CD99: variants seen among roughly 807,000 people sequenced by gnomAD.
CD99 encodes the protein CD99 molecule (Xg blood group).
CD99 carries 19 observed loss-of-function variants against 28.4 expected under a neutral mutation model. The observed-to-expected ratio is 0.67, with a 90% CI of 0.47 to 0.98. The LOEUF is 0.98. Ranked by LOEUF, CD99 falls within the 50% of genes least tolerant of loss-of-function variation. The pLI is 0.00. For synonymous variants in CD99, 103 were observed against 92.1 expected, an observed-to-expected ratio of 1.12 and a Z score of -0.67; for missense variants, 283 against 248.8, an observed-to-expected ratio of 1.14 and a Z score of -0.92.
chrX:2,701,437 TG>T (rs1281827654), intron 1 of CD99, among the ~76,000 whole-genome samples: 55 of 152,206 alleles, frequency 3.6e-4, no homozygotes, highest in African/African-American at 9.6e-4. Flanking sequence ...AAAGCACCAT[TG>T]TGGATGGAAG....
chrX:2,735,449 G>A (rs138127222), intron 8 of CD99, among the ~76,000 whole-genome samples: 96 of 152,288 alleles, frequency 6.3e-4, no homozygotes, highest in Non-Finnish European at 9.3e-4. Context: ...TGAGAGGTCC[G>A]TGATGTTGGA....
chrX:2,740,206 C>T (rs2050135768), intron 9 of CD99, among the ~76,000 whole-genome samples: 1 of 152,162 alleles, frequency 6.6e-6, no homozygotes, highest in African/African-American at 2.4e-5. Flanking sequence ...AAGATTCCTT[C>T]TGCCCACTGC....
At chrX:2,698,265 G>T (rs773682869) in intron 1 of CD99, among the ~76,000 whole-genome samples, 2 of 151,432 alleles carry the variant, frequency 1.3e-5, no homozygotes, top group East Asian at 3.9e-4. Flanking sequence ...GACCTCCTGG[G>T]TGCAGGTGAA....
intron 1 of CD99, among the ~76,000 whole-genome samples, chrX:2,693,855 G>A (rs149894822): frequency 0.014 from 2,098 of 152,278 alleles, 23 homozygotes; most frequent in Non-Finnish European, 0.021. Context: ...GATGGTTGCA[G>A]ACATTTTTGG....
At chrX:2,693,209 G>T (rs2047416372) in intron 1 of CD99, among the ~76,000 whole-genome samples, 1 of 151,670 alleles carries the variant, frequency 6.6e-6, no homozygotes, top group Non-Finnish European at 1.5e-5. Flanking sequence ...GTGGCACGAT[G>T]TCGGCTCATT....
At position 2,691,791 on chromosome X, in the gene CD99, T is replaced by G. The variant is rs772220222; in HGVS notation, c.67+364T>G. 80 of 773,022 alleles carry G rather than the reference T, an allele frequency of 1.0e-4. 2 individuals are homozygous for G. Among genetic ancestry groups the G allele is most frequent in the Admixed American group, 3.1e-4 (18 of 58,260 alleles). 47.9% of individuals were successfully genotyped at this position (773,022 alleles called of 1,614,324 possible). On this transcript the variant is annotated intron_variant, in intron 1 of 9. Transcript: ENST00000381192. ...CCACCCCGTTATCTACCCCCAGGGTTTGGGGACCTGCGTCTTCAGGCCGCG... is the reference window on the plus strand; with the variant it reads ...CCACCCCGTTATCTACCCCCAGGGTGTGGGGACCTGCGTCTTCAGGCCGCG...
chrX:2,709,729 C>T (rs1167812730), intron 1 of CD99, among the ~76,000 whole-genome samples: 2 of 152,194 alleles, frequency 1.3e-5, no homozygotes, highest in Non-Finnish European at 2.9e-5. Flanking sequence ...TACATAGACA[C>T]GCACATGCAT....
intron 3 of CD99, chrX:2,719,344 A>G (rs769077441): frequency 4.2e-4 from 145 of 345,508 alleles, no homozygotes; most frequent in Non-Finnish European, 6.2e-4. Context: ...TGGAATTTCA[A>G]CTTGGTCCAG....
chrX:2,723,550 C>A, intron 7 of CD99, 186 bp downstream of exon 7: 1 of 676,910 alleles, frequency 1.5e-6, no homozygotes, highest in East Asian at 2.6e-5. Flanking sequence ...CAAACCAGCC[C>A]TGCTCCGGGT....
At position 2,694,299 on chromosome X, in the gene CD99, C is replaced by G. The variant is rs754978767; in HGVS notation, c.67+2872C>G. On this transcript the variant is annotated intron_variant, in intron 1 of 9. Coordinates refer to ENST00000381192, the MANE Select transcript of CD99 (RefSeq NM_002414.5). Reference sequence around the variant, plus strand: ...TCGTTGTTTTTTTTTTTTTTTAACTCTCTCCAGAGCTCTTGTCTCCTGCCC... The same window carrying G: ...TCGTTGTTTTTTTTTTTTTTTAACTGTCTCCAGAGCTCTTGTCTCCTGCCC... 8.0e-5 allele frequency among the ~76,000 whole-genome samples: 12 copies of G among 149,122 alleles called. No individual in the cohort carries two copies. The East Asian group carries it at 2.4e-3, about 29-fold the overall frequency.
intron 8 of CD99, among the ~76,000 whole-genome samples, chrX:2,734,606 C>T (rs2049837834): frequency 6.6e-6 from 1 of 150,960 alleles, no homozygotes; most frequent in Non-Finnish European, 1.5e-5. Context: ...TGTGCCTGGC[C>T]CTTTTTCTTT....
intron 7 of CD99, among the ~76,000 whole-genome samples, chrX:2,723,635 G>T (rs112338063): frequency 3.9e-5 from 6 of 152,124 alleles, no homozygotes; most frequent in Non-Finnish European, 7.3e-5. Flanking sequence ...CCTACATCAC[G>T]CTTCGCCTTG....
chrX:2,734,746 T>C (rs1354385011), intron 8 of CD99, among the ~76,000 whole-genome samples: 4 of 151,912 alleles, frequency 2.6e-5, no homozygotes, highest in Admixed American at 1.3e-4. Flanking sequence ...CCTCATTCTT[T>C]TCCTCTTATT....
Position 2,706,694 on chromosome X carries a change from G to A in CD99, c.68-7728G>A, listed in dbSNP as rs538046402. On this transcript the variant is annotated intron_variant, in intron 1 of 9. Coordinates refer to ENST00000381192, the MANE Select transcript of CD99 (RefSeq NM_002414.5). ...GATGAACGGCATTATTGAGAAAGCT[G>A]CAGGCACACACAGAGCACTGCTTAA... is the stretch of plus-strand genomic sequence containing the variant. 9.2e-5 allele frequency among the ~76,000 whole-genome samples: 14 copies of A among 152,238 alleles called. No individual in the cohort carries two copies. The South Asian group carries it at 2.9e-3, about 32-fold the overall frequency.
chrX:2,711,871 C>A (rs2048425398), intron 1 of CD99, among the ~76,000 whole-genome samples: 1 of 152,052 alleles, frequency 6.6e-6, no homozygotes, highest in African/African-American at 2.4e-5. Context: ...GAAACCCCGT[C>A]TCTAGTAAAA....
At chrX:2,728,997 A>C (rs2049449313) in intron 8 of CD99, among the ~76,000 whole-genome samples, 1 of 152,024 alleles carries the variant, frequency 6.6e-6, no homozygotes, top group Non-Finnish European at 1.5e-5. Context: ...CACCCGGCTA[A>C]TTTTTGTATT....
chrX:2,714,776 T>C (rs1026034159), intron 2 of CD99: 6 of 290,562 alleles, frequency 2.1e-5, no homozygotes, highest in Admixed American at 2.0e-4. Context: ...ACAGGGTTGC[T>C]GCAGGCCTTC....
intron 9 of CD99, 127 bp downstream of exon 9, chrX:2,738,383 CT>C: frequency 1.2e-6 from 1 of 859,716 alleles, no homozygotes; most frequent in Non-Finnish European, 2.0e-6. Context: ...GAATGTCTTC[CT>C]TTATGTCTCG....
At chrX:2,714,835 GT>G in intron 2 of CD99, 3 of 184,366 alleles carry the variant, frequency 1.6e-5, no homozygotes. Context: ...ACAAAGTGCA[GT>G]GAAGGAGGTC....
Sources: allele counts gnomAD v4.1 joint callset (sites outside exome capture counted in the v4.1 genomes callset), GRCh38; gene constraint gnomAD v4.1.1; transcripts MANE v1.5; gene names NCBI Gene and HGNC (gene_info 2026-07-23, HGNC 2026-07-21).